The following HMGCLL1 variants were observed in gnomAD, a reference collection of about 807,000 sequenced individuals.
HMGCLL1 encodes the protein 3-hydroxy-3-methylglutaryl-CoA lyase like 1.
A neutral mutation model predicts 39.1 loss-of-function variants in HMGCLL1; 36 were observed. The observed-to-expected ratio is 0.92, with a 90% confidence interval of 0.71 to 1.22. The LOEUF (loss-of-function observed/expected upper bound fraction) is 1.22. Among genes scored for constraint, HMGCLL1 ranks in the 50% most tolerant of loss-of-function variants. HMGCLL1 has a pLI of 0.00. For synonymous variants in HMGCLL1, 149 were observed against 144.0 expected (o/e 1.03, Z -0.25); for missense variants, 451 against 416.5 (o/e 1.08, Z -0.72).
intron 7 of HMGCLL1, among the ~76,000 whole-genome samples, chr6:55,487,628 A>G (rs1581845437): frequency 6.6e-6 from 1 of 151,954 alleles, no homozygotes; most frequent in African/African-American, 2.4e-5. Flanking sequence ...ACATGAACTC[A>G]TGCTTTTTTA....
chr6:55,492,804 G>A (rs1766381969), intron 7 of HMGCLL1, among the ~76,000 whole-genome samples: 1 of 151,982 alleles, frequency 6.6e-6, no homozygotes, highest in Non-Finnish European at 1.5e-5. Context: ...TGCTTTCCTA[G>A]CCCCCTTCCC....
chr6:55,578,901 T>C, intron 1 of HMGCLL1, 47 bp downstream of exon 1: 11 of 1,385,090 alleles, frequency 7.9e-6, no homozygotes, highest in Non-Finnish European at 1.1e-5. Flanking sequence ...AGGCTGGCTG[T>C]CAGTGTGCGC....
At chr6:55,444,789 A>G (rs1312447359) in intron 7 of HMGCLL1, among the ~76,000 whole-genome samples, 2 of 152,086 alleles carry the variant, frequency 1.3e-5, no homozygotes, top group Non-Finnish European at 2.9e-5. Context: ...ACTGTAAATA[A>G]GTGAAAATGA....
the HMGCLL1 span, among the ~76,000 whole-genome samples, chr6:55,655,546 A>AGATAGATAGAT: frequency 1.3e-5 from 2 of 151,292 alleles, no homozygotes; most frequent in African/African-American, 4.9e-5. Context: ...GTAGATAGAT[A>AGATAGATAGAT]GATAGATAGA....
At chr6:55,518,234 C>T (rs1417076804) in intron 3 of HMGCLL1, among the ~76,000 whole-genome samples, 4 of 148,102 alleles carry the variant, frequency 2.7e-5, no homozygotes, top group African/African-American at 1.0e-4. Flanking sequence ...AACAGATACA[C>T]ATGGAATGTT....
At chr6:55,631,301 A>C in the HMGCLL1 span, among the ~76,000 whole-genome samples, 2 of 151,976 alleles carry the variant, frequency 1.3e-5, no homozygotes, top group African/African-American at 4.8e-5. Context: ...CTTTATGAAG[A>C]CTTTTTTTTA....
At chr6:55,466,035 T>G (rs1417037534) in intron 7 of HMGCLL1, among the ~76,000 whole-genome samples, 1 of 152,056 alleles carries the variant, frequency 6.6e-6, no homozygotes, top group Non-Finnish European at 1.5e-5. Context: ...AATAAAAGCT[T>G]GCTGAAAGTA....
the HMGCLL1 span, among the ~76,000 whole-genome samples, chr6:55,675,218 G>T: frequency 2.6e-5 from 4 of 152,120 alleles, no homozygotes; most frequent in East Asian, 1.9e-4. Context: ...CAGAAGTTTC[G>T]ATAGTAAATT....
chr6:55,611,984 G>C, the HMGCLL1 span, among the ~76,000 whole-genome samples: 3 of 152,134 alleles, frequency 2.0e-5, no homozygotes, highest in East Asian at 1.9e-4. Flanking sequence ...GAAATAAAGG[G>C]TATTCAAATA....
At chr6:55,624,760 A>T in the HMGCLL1 span, among the ~76,000 whole-genome samples, 2 of 152,128 alleles carry the variant, frequency 1.3e-5, no homozygotes, top group African/African-American at 4.8e-5. Flanking sequence ...GCCTGTTGAG[A>T]TAGTCTTACT....
intron 3 of HMGCLL1, among the ~76,000 whole-genome samples, chr6:55,539,769 G>A (rs1318706640): frequency 6.7e-6 from 1 of 149,684 alleles, no homozygotes; most frequent in African/African-American, 2.5e-5. Flanking sequence ...TAAGACCTAA[G>A]TGATTAAATA....
intron 5 of HMGCLL1, among the ~76,000 whole-genome samples, chr6:55,506,794 C>G (rs1267569529): frequency 1.3e-5 from 2 of 151,252 alleles, no homozygotes; most frequent in Non-Finnish European, 3.0e-5. Context: ...AAAGAATCTG[C>G]AAAGTGCTTC....
At chr6:55,643,055 G>A in the HMGCLL1 span, among the ~76,000 whole-genome samples, 1 of 152,038 alleles carries the variant, frequency 6.6e-6, no homozygotes, top group Non-Finnish European at 1.5e-5. Flanking sequence ...TGGGCAGTTA[G>A]GTTGTTTCCA....
At chr6:55,673,144 T>C in the HMGCLL1 span, among the ~76,000 whole-genome samples, 2 of 151,998 alleles carry the variant, frequency 1.3e-5, no homozygotes, top group Non-Finnish European at 2.9e-5. Context: ...TTAAACCTAA[T>C]TTGAAAACTC....
chr6:55,651,553 C>CG, the HMGCLL1 span, among the ~76,000 whole-genome samples: 1 of 152,012 alleles, frequency 6.6e-6, no homozygotes, highest in Non-Finnish European at 1.5e-5. Context: ...CTGGGGTTGG[C>CG]GGGGGAATGG....
At chr6:55,678,659 T>C in the HMGCLL1 span, among the ~76,000 whole-genome samples, 2 of 152,092 alleles carry the variant, frequency 1.3e-5, no homozygotes, top group Non-Finnish European at 2.9e-5. Flanking sequence ...AAAAAACTAG[T>C]TTTACATTAT....
intron 3 of HMGCLL1, among the ~76,000 whole-genome samples, chr6:55,528,535 A>T (rs1035508131): frequency 1.3e-5 from 2 of 152,038 alleles, no homozygotes; most frequent in African/African-American, 4.8e-5. Context: ...TCTTAGCCTC[A>T]GTAGCACAGA....
chr6:55,520,492 A>C, intron 3 of HMGCLL1, among the ~76,000 whole-genome samples: 1 of 151,988 alleles, frequency 6.6e-6, no homozygotes, highest in Non-Finnish European at 1.5e-5. Context: ...TAGTCAGTAA[A>C]GGCAAGTAAG....
At chr6:55,454,084 CT>C (rs1267247427) in intron 7 of HMGCLL1, among the ~76,000 whole-genome samples, 1 of 152,126 alleles carries the variant, frequency 6.6e-6, no homozygotes, top group Non-Finnish European at 1.5e-5. Flanking sequence ...TTTTTTTCCA[CT>C]TCCCCATTTG....
Sources: gnomAD v4.1 joint callset for allele counts (sites outside exome capture counted in the v4.1 genomes callset) on GRCh38, gnomAD v4.1.1 for gene constraint, MANE v1.5 for transcripts, NCBI Gene and HGNC (gene_info 2026-07-23, HGNC 2026-07-21) for gene names.